SLC22A14: variants seen among roughly 807,000 people sequenced by gnomAD.
SLC22A14 encodes solute carrier family 22 member 14, also known as organic cation transporter-like 4.
In SLC22A14, 50 loss-of-function variants were observed where a neutral mutation model predicts 53.9. That is an observed-to-expected ratio of 0.93 (90% CI 0.74 to 1.17). SLC22A14 has a LOEUF of 1.17. SLC22A14 is among the 50% of genes most tolerant of loss of function. SLC22A14 has a pLI of 0.00. For missense variants in SLC22A14, 671 were observed against 734.7 expected (o/e 0.91, Z 1.00); for synonymous variants, 312 against 303.0 (o/e 1.03, Z -0.31).
chr3:38,313,677 C>CGTGTGTGTGTGT (rs764626285), intron 7 of SLC22A14, 50 bp from the exon 8 acceptor site: 41 of 762,500 alleles, frequency 5.4e-5, no homozygotes, highest in East Asian at 2.0e-4. Context: ...TTCCTGGCTC[C>CGTGTGTGTGTGT]GTGTGTGTGC....
chr3:38,282,612 T>TA (rs1047055897), intron 1 of SLC22A14, among the ~76,000 whole-genome samples: 2 of 152,118 alleles, frequency 1.3e-5, no homozygotes, highest in Non-Finnish European at 2.9e-5. Context: ...AGGCCTCAGT[T>TA]ACCTCTTTGG....
chr3:38,283,759 A>T (rs1575397219), intron 1 of SLC22A14, among the ~76,000 whole-genome samples: 1 of 148,636 alleles, frequency 6.7e-6, no homozygotes, highest in African/African-American at 2.5e-5. Flanking sequence ...GAACCCAGGA[A>T]GCAGAGGGTG....
Position 38,312,984 on chromosome 3 carries a change from G to A in SLC22A14, c.945-15G>A. Reference sequence around the variant, plus strand: ...ATCATAGAACGGTGAGATAAGAGAGGGGCTGGCCACGCAGGATTCTCCCGG... The same window carrying A: ...ATCATAGAACGGTGAGATAAGAGAGAGGCTGGCCACGCAGGATTCTCCCGG... On this transcript the variant is annotated splice_polypyrimidine_tract_variant and intron_variant, in intron 5 of 10. Coordinates refer to ENST00000448498, the MANE Select transcript of SLC22A14 (RefSeq NM_001320033.2). 6.4e-7 allele frequency: 1 copy of A among 1,573,050 alleles called. No individual in the cohort carries two copies. The highest frequency in any genetic ancestry group is 1.2e-5 in the South Asian group (1 of 85,684).
intron 5 of SLC22A14, among the ~76,000 whole-genome samples, chr3:38,310,376 TA>T (rs1453252015): frequency 1.3e-5 from 2 of 152,058 alleles, no homozygotes; most frequent in Admixed American, 6.6e-5. Context: ...AGATCCTGTT[TA>T]AAAAAAATTT....
chr3:38,308,789 G>A (rs554988989), intron 4 of SLC22A14, among the ~76,000 whole-genome samples, 165 bp from the exon 5 acceptor site: 25 of 152,354 alleles, frequency 1.6e-4, no homozygotes, highest in African/African-American at 3.1e-4. Flanking sequence ...GCACTCTACC[G>A]GGCTCTGAGG....
chr3:38,302,556 C>T (rs1575413514), intron 1 of SLC22A14, among the ~76,000 whole-genome samples: 1 of 151,822 alleles, frequency 6.6e-6, no homozygotes, highest in Non-Finnish European at 1.5e-5. Flanking sequence ...CTCAAGGAGG[C>T]TGAGGTGGGA....
At chr3:38,281,376 G>A (rs1256921924), upstream of SLC22A14, among the ~76,000 whole-genome samples, 1 of 152,056 alleles carries the variant, frequency 6.6e-6, no homozygotes, top group Non-Finnish European at 1.5e-5. Flanking sequence ...GCTTGAAACT[G>A]AGTTATTTAT....
At chr3:38,293,383 G>T (rs1703955255) in intron 1 of SLC22A14, among the ~76,000 whole-genome samples, 1 of 152,102 alleles carries the variant, frequency 6.6e-6, no homozygotes, top group African/African-American at 2.4e-5. Context: ...AATCCCATTT[G>T]TCCCATTCCA....
chr3:38,291,982 C>T (rs577221803), intron 1 of SLC22A14, among the ~76,000 whole-genome samples: 74 of 152,352 alleles, frequency 4.9e-4, no homozygotes, highest in East Asian at 4.4e-3. Context: ...ATACATTCTT[C>T]ACTGAGGGTC....
intron 5 of SLC22A14, among the ~76,000 whole-genome samples, chr3:38,312,736 A>C (rs194708): frequency 6.6e-6 from 1 of 152,050 alleles, no homozygotes; most frequent in African/African-American, 2.4e-5. Flanking sequence ...CTGAGGGCAA[A>C]TCAAGGAGAC....
chr3:38,280,268 C>G (rs1468519581), upstream of SLC22A14, among the ~76,000 whole-genome samples: 3 of 152,204 alleles, frequency 2.0e-5, no homozygotes. Context: ...GAGACAGATT[C>G]AAGCTGGACT....
At chr3:38,304,312 C>G (rs1190172094) in intron 1 of SLC22A14, among the ~76,000 whole-genome samples, 1 of 152,084 alleles carries the variant, frequency 6.6e-6, no homozygotes, top group African/African-American at 2.4e-5. Flanking sequence ...GCTGGGTATA[C>G]AATTCTATGT....
upstream of SLC22A14, among the ~76,000 whole-genome samples, chr3:38,281,371 A>C (rs1367011395): frequency 6.6e-6 from 1 of 152,128 alleles, no homozygotes; most frequent in Admixed American, 6.6e-5. Flanking sequence ...AGACTGCTTG[A>C]AACTGAGTTA....
intron 1 of SLC22A14, among the ~76,000 whole-genome samples, chr3:38,290,813 T>C (rs1225285922): frequency 2.6e-5 from 4 of 152,314 alleles, no homozygotes; most frequent in East Asian, 3.9e-4. Flanking sequence ...TATAAGCATT[T>C]TTAATGAAGG....
chr3:38,313,813 G>C lies in SLC22A14; in HGVS notation c.1250G>C (p.Ser417Thr), dbSNP rs766281964. 3.7e-6 allele frequency: 6 copies of C among 1,614,096 alleles called. No individual in the cohort carries two copies. The highest frequency in any genetic ancestry group is 5.1e-6 in the Non-Finnish European group (6 of 1,179,994). ...GTCCACTTCAGACACGTGGTCCCCA[G>C]CATCATGGAGGTGCCTGCCCGGCTG... ...VSVHFRHVVP[S>T]IMEVPARLCC... The change falls in exon 8 of 11, where the codon AGC (serine) becomes ACC (threonine). Residue 417 changes from serine to threonine, a missense_variant. Transcript: ENST00000448498.
At chr3:38,290,095 G>A (rs1703879473) in intron 1 of SLC22A14, among the ~76,000 whole-genome samples, 1 of 152,180 alleles carries the variant, frequency 6.6e-6, no homozygotes, top group Non-Finnish European at 1.5e-5. Context: ...CAAGCCCTAT[G>A]TTTAAAGGTG....
intron 7 of SLC22A14, 115 bp from the exon 8 acceptor site, chr3:38,313,612 C>T (rs1306803427): frequency 2.1e-6 from 2 of 950,522 alleles, no homozygotes; most frequent in Non-Finnish European, 3.4e-6. Context: ...GGTCTCTGTG[C>T]TTATTTCTCT....
At position 38,295,654 on chromosome 3, in the gene SLC22A14, T is replaced by A. The variant is rs139075226; in HGVS notation, c.1-10373T>A. 8.1e-3 allele frequency among the ~76,000 whole-genome samples: 1,238 copies of A among 152,262 alleles called. 25 individuals carry two copies. Among genetic ancestry groups the A allele is most frequent in the Admixed American group, 0.049 (749 of 15,288 alleles). On this transcript the variant is annotated intron_variant, in intron 1 of 10. Coordinates refer to ENST00000448498, the MANE Select transcript of SLC22A14 (RefSeq NM_001320033.2). ...AGGTGTAGGGCACACTGGGTTTTTT[T>A]AATTTTATTTTATTTTATTTCTATC...
At chr3:38,301,083 T>C (rs573515329) in intron 1 of SLC22A14, among the ~76,000 whole-genome samples, 1 of 152,196 alleles carries the variant, frequency 6.6e-6, no homozygotes, top group Non-Finnish European at 1.5e-5. Context: ...CCTCCCCAAA[T>C]GCTGGGATTA....
Sources: gnomAD v4.1 joint callset for allele counts (sites outside exome capture counted in the v4.1 genomes callset) on GRCh38, gnomAD v4.1.1 for gene constraint, MANE v1.5 for transcripts, NCBI Gene and HGNC (gene_info 2026-07-23, HGNC 2026-07-21) for gene names.